The following ZNF568 variants were observed in gnomAD, a reference collection of about 807,000 sequenced individuals.
ZNF568 encodes p53 inhibitor of SCO2 activation.
In ZNF568, 11 loss-of-function variants were observed where a neutral mutation model predicts 18.1. The observed-to-expected ratio is 0.61, with a 90% CI of 0.38 to 1.00. The LOEUF (loss-of-function observed/expected upper bound fraction) is 1.00, where lower values mean the gene tolerates loss of function less well. Among genes scored for constraint, ZNF568 ranks in the 50% least tolerant of loss-of-function variants. The probability of loss-of-function intolerance (pLI) is 0.01; values close to 1 mark genes in which losing one functional copy is unlikely to be tolerated. For missense variants in ZNF568, 639 were observed against 768.2 expected, an observed-to-expected ratio of 0.83 and a Z score of 1.99; for synonymous variants, 213 against 246.6, an observed-to-expected ratio of 0.86 and a Z score of 1.28.
intron 4 of ZNF568, among the ~76,000 whole-genome samples, chr19:36,932,016 C>G (rs1276221446): frequency 6.6e-6 from 1 of 152,176 alleles, no homozygotes; most frequent in Non-Finnish European, 1.5e-5. Context: ...TTGCCTTTCG[C>G]TTAGCATTAT....
chr19:36,986,634 C>T (rs921310860), intron 2 of ZNF568, among the ~76,000 whole-genome samples: 9 of 152,092 alleles, frequency 5.9e-5, no homozygotes, highest in South Asian at 4.1e-4. Context: ...TTTTTCCCCC[C>T]TCCGTGACTG....
At chr19:36,955,769 G>T (rs969216242), downstream of ZNF568, among the ~76,000 whole-genome samples, 1 of 151,978 alleles carries the variant, frequency 6.6e-6, no homozygotes, top group East Asian at 1.9e-4. Context: ...GAAATTGATA[G>T]ATTTCAGATA....
At chr19:36,957,056 C>T (rs1211835016), downstream of ZNF568, among the ~76,000 whole-genome samples, 1 of 151,964 alleles carries the variant, frequency 6.6e-6, no homozygotes, top group Non-Finnish European at 1.5e-5. Flanking sequence ...CTTTAAATTA[C>T]TTAAAAGTAG....
intron 2 of ZNF568, among the ~76,000 whole-genome samples, chr19:36,986,637 C>T (rs2074378939): frequency 6.6e-6 from 1 of 152,030 alleles, no homozygotes; most frequent in Non-Finnish European, 1.5e-5. Flanking sequence ...TTCCCCCCTC[C>T]GTGACTGAGC....
downstream of ZNF568, among the ~76,000 whole-genome samples, chr19:36,953,539 TA>T (rs1355797140): frequency 9.8e-5 from 15 of 152,322 alleles, no homozygotes; most frequent in African/African-American, 3.6e-4. Context: ...AACCAACCCT[TA>T]CAGAGGTGAT....
At chr19:36,948,389 A>C (rs1401096997) in intron 6 of ZNF568, among the ~76,000 whole-genome samples, 1 of 152,192 alleles carries the variant, frequency 6.6e-6, no homozygotes, top group African/African-American at 2.4e-5. Flanking sequence ...GCATCTTCCA[A>C]GTGTTGGCAA....
In ZNF568 at chr19:36,950,566, GAA is replaced by G; in HGVS notation, c.1415_1416del (p.Lys472ThrfsTer3). ...CACATCAGAAAATTCACACTGGAGA[GAA>G]ACCTTATGAATGCAGTGAATGTGGG... ...ITHQKIHTGE[K>X]PYECSECGKA... On this transcript the variant is annotated frameshift_variant, in exon 7 of 7. Coordinates refer to ENST00000333987, the MANE Select transcript of ZNF568 (RefSeq NM_198539.4). LOFTEE classifies it low-confidence loss of function (END_TRUNC). The G allele has an allele frequency of 2.5e-6, 4 of 1,613,724 alleles. No individual in the cohort carries two copies. Among genetic ancestry groups the G allele is most frequent in the Non-Finnish European group, 3.4e-6 (4 of 1,179,738 alleles).
chr19:36,932,307 A>C (rs1379515926), intron 4 of ZNF568, among the ~76,000 whole-genome samples: 2 of 152,174 alleles, frequency 1.3e-5, no homozygotes, highest in Admixed American at 1.3e-4. Context: ...CCCCACTGTT[A>C]GCCGAGTGCA....
Position 36,922,754 on chromosome 19 carries a change from G to T in ZNF568, c.-17G>T. Reference sequence around the variant, plus strand: ...GAGCTTGTCTTGACCCTTCTGCCCAGAGCAGGCAGGGTCTGAATGACATCT... The same window carrying T: ...GAGCTTGTCTTGACCCTTCTGCCCATAGCAGGCAGGGTCTGAATGACATCT... On this transcript the variant is annotated 5_prime_UTR_variant, in exon 3 of 7. Transcript: ENST00000333987. 1 of 1,612,638 alleles carries T rather than the reference G, an allele frequency of 6.2e-7. No individual in the cohort carries two copies. Among genetic ancestry groups the T allele is most frequent in the South Asian group, 1.1e-5 (1 of 90,948 alleles).
At chr19:36,996,937 A>G (rs757315558) in exon 5 of ZNF568, 173 of 1,537,250 alleles carry the variant, frequency 1.1e-4, no homozygotes, top group Non-Finnish European at 1.4e-4. Flanking sequence ...ACATCAGAGG[A>G]TCCATACTGA....
chr19:36,990,680 T>C (rs2074416154), intron 2 of ZNF568, among the ~76,000 whole-genome samples: 1 of 152,180 alleles, frequency 6.6e-6, no homozygotes, highest in Non-Finnish European at 1.5e-5. Context: ...TTTAGAAAAC[T>C]TCTCCAACCT....
At chr19:36,970,321 G>T in intron 6 of ZNF568, among the ~76,000 whole-genome samples, 1 of 122,684 alleles carries the variant, frequency 8.2e-6, no homozygotes, top group African/African-American at 3.2e-5. Flanking sequence ...CTTTTCTTTT[G>T]GCCTGTCTTT....
chr19:36,937,151 T>C lies in ZNF568; in HGVS notation c.267T>C (p.Cys89=). ...ENYSNLVTVG[C]QVTKPDVIFK... ...CTTTGCTATTTCTTGTAATAGGCTG[T>C]CAAGTCACCAAACCGGATGTGATAT... Residue 89 remains cysteine (C), a synonymous_variant, in exon 6 of 7, where the codon TGT becomes TGC. Coordinates refer to ENST00000333987, the MANE Select transcript of ZNF568 (RefSeq NM_198539.4). 1.2e-6 allele frequency: 2 copies of C among 1,613,722 alleles called. No individual in the cohort carries two copies. The highest frequency in any genetic ancestry group is 1.7e-6 in the Non-Finnish European group (2 of 1,179,760).
intron 7 of ZNF568, among the ~76,000 whole-genome samples, chr19:36,976,052 A>G (rs1051009801): frequency 7.9e-5 from 12 of 152,164 alleles, no homozygotes; most frequent in African/African-American, 2.9e-4. Flanking sequence ...TAGTTTTTCA[A>G]GATAGAAATA....
At chr19:36,928,115 C>T (rs2073616127) in intron 4 of ZNF568, among the ~76,000 whole-genome samples, 1 of 150,438 alleles carries the variant, frequency 6.6e-6, no homozygotes. Flanking sequence ...AGGGTTTCGC[C>T]ATGTTGGCCA....
intron 6 of ZNF568, among the ~76,000 whole-genome samples, chr19:36,940,150 T>A (rs1485744536): frequency 6.6e-6 from 1 of 152,204 alleles, no homozygotes; most frequent in Non-Finnish European, 1.5e-5. Context: ...AGTACCTTCA[T>A]GCTATATCTG....
At chr19:36,959,766 C>G (rs2074133967) in intron 6 of ZNF568, among the ~76,000 whole-genome samples, 1 of 151,928 alleles carries the variant, frequency 6.6e-6, no homozygotes, top group Non-Finnish European at 1.5e-5. Context: ...ATCTGTTTTC[C>G]CTAGGTTTTC....
rs200089198 is a variant in ZNF568, at chr19:36,969,781, ATTTTTTTTTTTT to A, written c.359-4619_359-4608del. On this transcript the variant is annotated intron_variant, in intron 6 of 7. Coordinates refer to the ZNF568 transcript ENST00000427117. ...TCCAGCATAATCTTCCCATCTCAAG[ATTTTTTTTTTTT>A]TTTTTTTTTTTTTTTTTTTGAGATC... is the stretch of plus-strand genomic sequence containing the variant. Among the ~76,000 whole-genome samples, 612 of 77,128 alleles carry A rather than the reference ATTTTTTTTTTTT, an allele frequency of 7.9e-3. 6 individuals are homozygous for A. The highest frequency in any genetic ancestry group is 0.025 in the Middle Eastern group (3 of 122). 50.6% of individuals were successfully genotyped at this position (77,128 alleles called of 152,430 possible).
intron 4 of ZNF568, among the ~76,000 whole-genome samples, chr19:36,933,924 G>GTTTTTTTTTTTTTTT (rs140279289): frequency 3.3e-5 from 1 of 29,962 alleles, no homozygotes; most frequent in Non-Finnish European, 6.2e-5. Context: ...TTGTTTTTTT[G>GTTTTTTTTTTTTTTT]TTTTTTTTTT....
Sources: allele counts gnomAD v4.1 joint callset (sites outside exome capture counted in the v4.1 genomes callset), GRCh38; gene constraint gnomAD v4.1.1; transcripts MANE v1.5; gene names NCBI Gene and HGNC (gene_info 2026-07-23, HGNC 2026-07-21).